Variants in PLEKHG4B observed in about 807,000 individuals in gnomAD.
The protein encoded by PLEKHG4B is pleckstrin homology and RhoGEF domain containing G4B.
Under a neutral mutation model 121.3 loss-of-function variants are expected in PLEKHG4B, and 111 were observed. The ratio of observed to expected loss-of-function variants is 0.92; its 90% CI spans 0.78 to 1.07. The LOEUF (loss-of-function observed/expected upper bound fraction) is 1.07, where lower values mean the gene tolerates loss of function less well. PLEKHG4B is among the 50% of genes least tolerant of loss of function. PLEKHG4B has a pLI of 0.00. For missense variants in PLEKHG4B, 1,831 were observed against 1,757.8 expected (o/e 1.04, Z -0.74); for synonymous variants, 738 against 725.0 (o/e 1.02, Z -0.29).
intron 2 of PLEKHG4B, among the ~76,000 whole-genome samples, chr5:136,090 A>G (rs768135038): frequency 7.2e-5 from 11 of 152,146 alleles, no homozygotes; most frequent in East Asian, 3.9e-4. Context: ...TTTTCAATCA[A>G]TGGTGCTTAG....
intron 2 of PLEKHG4B, among the ~76,000 whole-genome samples, chr5:124,436 C>T (rs372905801): frequency 6.6e-6 from 1 of 152,200 alleles, no homozygotes; most frequent in East Asian, 1.9e-4. Context: ...TTTAAAAATA[C>T]ATCTTCTGTC....
intron 18 of PLEKHG4B, among the ~76,000 whole-genome samples, chr5:178,240 C>G (rs938395353): frequency 5.9e-5 from 9 of 152,244 alleles, no homozygotes; most frequent in Non-Finnish European, 1.5e-5. Context: ...GAAACGCCCT[C>G]TCCCTGGCAC....
chr5:156,662 C>T lies in PLEKHG4B; in HGVS notation c.2349-111C>T, dbSNP rs1160278248. The T allele has an allele frequency of 4.0e-5, 55 of 1,382,870 alleles. No homozygotes were observed. The highest frequency in any genetic ancestry group is 4.8e-5 in the Non-Finnish European group (50 of 1,031,484). The allele number at this position is 1,382,870 out of a possible 1,614,324, so 85.7% of individuals were successfully genotyped here. ...GGGCCTCCTCCTGGGGCTCCCGTTG[C>T]CTTGTGGCATGAGGGAATGGAAAGA... On this transcript the variant is annotated intron_variant, in intron 10 of 19. Coordinates refer to ENST00000637938, the MANE Select transcript of PLEKHG4B (RefSeq NM_052909.5). This position sits in a 1 kb window ranked among gnomAD's most constrained non-coding sequence, Gnocchi z 4.4.
At chr5:105,558 G>A (rs1224605593) in intron 1 of PLEKHG4B, among the ~76,000 whole-genome samples, 1 of 152,236 alleles carries the variant, frequency 6.6e-6, no homozygotes, top group East Asian at 1.9e-4. Flanking sequence ...GAGGCCAGGT[G>A]TACTGTTTAA....
intron 6 of PLEKHG4B, among the ~76,000 whole-genome samples, chr5:146,338 T>C (rs2126410643): frequency 2.8e-5 from 3 of 106,644 alleles, no homozygotes; most frequent in African/African-American, 3.7e-5. Context: ...CCTCTCCTCC[T>C]CCATGGTCCT....
Position 157,773 on chromosome 5 carries a change from C to A in PLEKHG4B, c.2487+862C>A, listed in dbSNP as rs573663223. ...AAACTTGCACATTTTTATATAAATC[C>A]TTATTATTTTATCAACAACTATTGC... On this transcript the variant is annotated intron_variant, in intron 11 of 19. Coordinates refer to ENST00000637938, the MANE Select transcript of PLEKHG4B (RefSeq NM_052909.5). This position sits in a 1 kb window ranked among gnomAD's most constrained non-coding sequence, Gnocchi z 4.6. Among the ~76,000 whole-genome samples the A allele has an allele frequency of 1.2e-3, 190 of 152,242 alleles. No homozygotes were observed. The highest frequency in any genetic ancestry group is 4.4e-3 in the African/African-American group (183 of 41,518).
At chr5:176,391 A>C (rs920596938) in intron 18 of PLEKHG4B, among the ~76,000 whole-genome samples, 1 of 152,262 alleles carries the variant, frequency 6.6e-6, no homozygotes, top group African/African-American at 2.4e-5. Flanking sequence ...TGCAGGAAGT[A>C]GGCCCTGCCA....
At chr5:93,869 A>G (rs1733547811) in intron 1 of PLEKHG4B, among the ~76,000 whole-genome samples, 1 of 152,196 alleles carries the variant, frequency 6.6e-6, no homozygotes, top group Non-Finnish European at 1.5e-5. Context: ...CACAGGTTGT[A>G]TCATCCAGCC....
At chr5:151,435 C>A in intron 6 of PLEKHG4B, 78 bp from the exon 7 acceptor site, 1 of 946,096 alleles carries the variant, frequency 1.1e-6, no homozygotes, top group Non-Finnish European at 1.6e-6. Context: ...AGTAGTACCA[C>A]TCAAAATTGG....
At chr5:164,667 C>G (rs1407187880) in intron 13 of PLEKHG4B, among the ~76,000 whole-genome samples, 21,821 of 110,624 alleles carry the variant, frequency 0.2, 5,949 homozygotes, top group South Asian at 0.29. Flanking sequence ...GGAGCTCACA[C>G]TAATACTCTG....
chr5:175,032 G>T (rs1254606450), intron 18 of PLEKHG4B, among the ~76,000 whole-genome samples: 1 of 152,108 alleles, frequency 6.6e-6, no homozygotes, highest in Non-Finnish European at 1.5e-5. Context: ...GAAAGCTCTT[G>T]GATTGGCCCC....
At chr5:162,079 C>G in intron 12 of PLEKHG4B, 135 bp downstream of exon 12, 2 of 1,162,200 alleles carry the variant, frequency 1.7e-6, no homozygotes, top group South Asian at 1.6e-5. Flanking sequence ...TGGAGCCCCC[C>G]TGGCCACTGC....
chr5:162,926 C>T lies in PLEKHG4B; in HGVS notation c.2854C>T (p.Leu952Phe), dbSNP rs1210949912. 7 of 1,545,752 alleles carry T rather than the reference C, an allele frequency of 4.5e-6. No homozygotes were observed. Among genetic ancestry groups the T allele is most frequent in the Non-Finnish European group, 5.2e-6 (6 of 1,145,720 alleles). The change falls in exon 13 of 20, where the codon CTC becomes TTC. Residue 952 changes from leucine to phenylalanine, a missense_variant. By Grantham distance (22) the Leu-to-Phe change is conservative. Coordinates refer to ENST00000637938, the MANE Select transcript of PLEKHG4B (RefSeq NM_052909.5). ...GTGGCTGCAGTACCCCCAGACCCGGCTCCGTCTGGAAGAGGCCCTTTCTGA... is the reference window on the plus strand; with the variant it reads ...GTGGCTGCAGTACCCCCAGACCCGGTTCCGTCTGGAAGAGGCCCTTTCTGA... Reference protein sequence around the residue: ...DLWLQYPQTRLRLEEALSEAA... With the variant: ...DLWLQYPQTRFRLEEALSEAA...
chr5:160,522 C>A (rs919615301), intron 11 of PLEKHG4B, among the ~76,000 whole-genome samples: 11 of 152,118 alleles, frequency 7.2e-5, no homozygotes, highest in Non-Finnish European at 1.5e-4. Context: ...TCTCTTCACA[C>A]GTTTATTATT....
chr5:109,474 A>ACC (rs1031214526), intron 1 of PLEKHG4B, among the ~76,000 whole-genome samples: 4 of 147,814 alleles, frequency 2.7e-5, no homozygotes, highest in African/African-American at 1.0e-4. Context: ...TCCCATACCC[A>ACC]CCCCCAGGTG....
intron 2 of PLEKHG4B, among the ~76,000 whole-genome samples, chr5:134,092 T>A (rs1223031310): frequency 3.6e-5 from 4 of 112,336 alleles, no homozygotes; most frequent in African/African-American, 1.6e-4. Flanking sequence ...TATATATATA[T>A]ATATATATAT....
intron 13 of PLEKHG4B, among the ~76,000 whole-genome samples, chr5:164,386 G>A (rs920299890): frequency 1.3e-4 from 20 of 152,204 alleles, no homozygotes; most frequent in Non-Finnish European, 2.2e-4. Flanking sequence ...GACAGGAGGC[G>A]GAGCTCACAC....
intron 11 of PLEKHG4B, among the ~76,000 whole-genome samples, chr5:160,987 C>T (rs1735982076): frequency 6.6e-6 from 1 of 152,186 alleles, no homozygotes; most frequent in African/African-American, 2.4e-5. Context: ...TGTCTGGGGT[C>T]ATTCGGTACC....
intron 2 of PLEKHG4B, among the ~76,000 whole-genome samples, chr5:115,355 A>G (rs752735514): frequency 2.2e-4 from 33 of 152,234 alleles, no homozygotes; most frequent in African/African-American, 6.7e-4. Flanking sequence ...TTGTTGTTCT[A>G]TTTATAGAGC....
Sources: gnomAD v4.1 joint callset for allele counts (sites outside exome capture counted in the v4.1 genomes callset) on GRCh38, gnomAD v4.1.1 for gene constraint, Gnocchi (gnomAD v3.1) non-coding constraint, MANE v1.5 for transcripts, NCBI Gene and HGNC (gene_info 2026-07-23, HGNC 2026-07-21) for gene names.